The following L1TD1 variants were observed in gnomAD, a reference collection of about 807,000 sequenced individuals.
L1TD1 encodes LINE1 type transposase domain containing 1.
Under a neutral mutation model 25.7 loss-of-function variants are expected in L1TD1, and 26 were observed. That is an observed-to-expected ratio of 1.01 (90% confidence interval 0.74 to 1.40). The LOEUF is 1.40. Ranked by LOEUF, L1TD1 falls within the 40% of genes most tolerant of loss-of-function variation. The pLI, the probability that L1TD1 is intolerant of heterozygous loss-of-function variation, is 0.00. For synonymous variants in L1TD1, 421 were observed against 335.6 expected (o/e 1.25, Z -2.78); for missense variants, 1,130 against 975.0 (o/e 1.16, Z -2.12).
rs774567889 is a variant in L1TD1 at position 62,207,583 on chromosome 1, C to G, written c.955C>G (p.Gln319Glu). ...VKELLKDVLPQKEEINQGGRK... is the reference protein window; with the variant it reads ...VKELLKDVLPEKEEINQGGRK... Reference sequence around the variant, plus strand: ...AGAATTACTGAAAGATGTACTCCCACAAAAGGAAGAAATAAATCAAGGAGG... The same window carrying G: ...AGAATTACTGAAAGATGTACTCCCAGAAAAGGAAGAAATAAATCAAGGAGG... Residue 319 changes from glutamine (Q) to glutamate (E), a missense_variant, in exon 3 of 4, where the codon CAA (glutamine) becomes GAA (glutamate). Physicochemically the swap from Gln to Glu is conservative, Grantham distance 29. Transcript: ENST00000498273. 53 of 1,544,548 alleles carry G rather than the reference C, an allele frequency of 3.4e-5. No homozygotes were observed. Among genetic ancestry groups the G allele is most frequent in the Admixed American group, 4.1e-5 (2 of 48,834 alleles).
chr1:62,204,530 T>C (rs1349442539), intron 2 of L1TD1, among the ~76,000 whole-genome samples: 3 of 152,222 alleles, frequency 2.0e-5, no homozygotes, highest in South Asian at 2.1e-4. Context: ...ACTTTTATGC[T>C]ATCCTTTTTC....
Position 62,207,597 on chromosome 1 carries a change from A to G in L1TD1, c.969A>G (p.Ile323Met). ...LKDVLPQKEE[I>M]NQGGRKYGIQ... is the part of the protein sequence containing the mutation. ...ATGTACTCCCACAAAAGGAAGAAAT[A>G]AATCAAGGAGGAAGAAAATATGGAA... The change falls in exon 3 of 4, where the codon ATA becomes ATG. Residue 323 changes from isoleucine to methionine, a missense_variant. Physicochemically the swap from Ile to Met is conservative, Grantham distance 10 (BLOSUM62 1). Coordinates refer to ENST00000498273, the MANE Select transcript of L1TD1 (RefSeq NM_019079.5). 1 of 1,543,106 alleles carries G rather than the reference A, an allele frequency of 6.5e-7. No homozygotes were observed. Among genetic ancestry groups the G allele is most frequent in the Non-Finnish European group, 8.7e-7 (1 of 1,144,570 alleles).
At chr1:62,197,505 T>TA (rs1306476264) in intron 2 of L1TD1, among the ~76,000 whole-genome samples, 1 of 151,284 alleles carries the variant, frequency 6.6e-6, no homozygotes, top group African/African-American at 2.4e-5. Context: ...TTTTATTATC[T>TA]AAAAAAGTTT....
chr1:62,199,597 G>C (rs77141131), intron 2 of L1TD1, among the ~76,000 whole-genome samples: 5,771 of 152,162 alleles, frequency 0.038, 122 homozygotes, highest in East Asian at 0.075. Context: ...GCATGGTGGT[G>C]CGTGCTTGTA....
chr1:62,200,114 T>C (rs761158645), intron 2 of L1TD1, among the ~76,000 whole-genome samples: 2 of 152,174 alleles, frequency 1.3e-5, no homozygotes, highest in Non-Finnish European at 2.9e-5. Flanking sequence ...GTTGAACATA[T>C]TGTATGCACC....
chr1:62,207,623 T>A lies in L1TD1; in HGVS notation c.995T>A (p.Ile332Asn), dbSNP rs1039067635. ...EINQGGRKYG[I>N]QEKRDKTLID... is the part of the protein sequence containing the mutation. ...AATCAAGGAGGAAGAAAATATGGAA[T>A]TCAAGAAAAAAGGGTAAGCATACAA... Residue 332 changes from isoleucine (I) to asparagine (N), a missense_variant, in exon 3 of 4, where the codon ATT becomes AAT. Transcript: ENST00000498273. 23 of 1,526,886 alleles carry A rather than the reference T, an allele frequency of 1.5e-5. No individual in the cohort carries two copies. In the Admixed American group the frequency reaches 1.6e-4, roughly 11 times the overall value. The allele number at this position is 1,526,886 out of a possible 1,614,324, so 94.6% of individuals were successfully genotyped here.
intron 2 of L1TD1, among the ~76,000 whole-genome samples, chr1:62,200,771 CTA>C (rs1419087600): frequency 1.3e-5 from 2 of 152,048 alleles, no homozygotes; most frequent in African/African-American, 4.8e-5. Flanking sequence ...TGTTTAATAA[CTA>C]TTCCTACTTC....
intron 2 of L1TD1, among the ~76,000 whole-genome samples, chr1:62,197,399 ATATATATATATATATATATATATATATAT>A (rs1003531817): frequency 7.9e-5 from 1 of 12,734 alleles, no homozygotes; most frequent in African/African-American, 3.2e-4. Context: ...AAAATAAATT[ATATATATATATATATATATATATATATAT>A]ATATAGTTTA....
At chr1:62,199,359 A>G (rs1670600292) in intron 2 of L1TD1, among the ~76,000 whole-genome samples, 1 of 151,988 alleles carries the variant, frequency 6.6e-6, no homozygotes, top group Non-Finnish European at 1.5e-5. Flanking sequence ...TTAGCCGGGC[A>G]TGGTGGCGTG....
At chr1:62,203,709 G>A (rs1023714715) in intron 2 of L1TD1, among the ~76,000 whole-genome samples, 2 of 152,232 alleles carry the variant, frequency 1.3e-5, no homozygotes, top group African/African-American at 4.8e-5. Context: ...CTCCCAAGTA[G>A]CTGGGACTGC....
At chr1:62,196,056 T>C (rs184477965) in intron 1 of L1TD1, among the ~76,000 whole-genome samples, 2 of 151,708 alleles carry the variant, frequency 1.3e-5, no homozygotes, top group African/African-American at 4.8e-5. Context: ...AAAAAGTGTT[T>C]AATTATGTGA....
At chr1:62,201,421 A>T (rs1206991615) in intron 2 of L1TD1, among the ~76,000 whole-genome samples, 3 of 151,760 alleles carry the variant, frequency 2.0e-5, no homozygotes, top group South Asian at 2.1e-4. Flanking sequence ...TTTAAAAAAA[A>T]ATATTAGAAG....
At chr1:62,196,352 T>C (rs188387420) in intron 1 of L1TD1, 83 bp from the exon 2 acceptor site, 1 of 152,290 alleles carries the variant, frequency 6.6e-6, no homozygotes, top group East Asian at 1.9e-4. Flanking sequence ...AAGTGCTTTT[T>C]TTTCCCAGTC....
At position 62,207,718 on chromosome 1, in the gene L1TD1, T is replaced by A. The variant is rs1232157525; in HGVS notation, c.1008+82T>A. 4.3e-6 allele frequency: 6 copies of A among 1,401,822 alleles called. No homozygotes were observed. In the African/African-American group the frequency reaches 5.9e-5, roughly 14 times the overall value. 86.8% of individuals were successfully genotyped at this position (1,401,822 alleles called of 1,614,324 possible). ...TGGTTATTTTGAAGGATAAATCAAT[T>A]TTTTTTTTCTTGAGATGGAGTTTCG... On this transcript the variant is annotated intron_variant, in intron 3 of 3. Coordinates refer to ENST00000498273, the MANE Select transcript of L1TD1 (RefSeq NM_019079.5).
intron 2 of L1TD1, among the ~76,000 whole-genome samples, chr1:62,198,908 G>T (rs935854573): frequency 2.6e-5 from 4 of 151,668 alleles, no homozygotes; most frequent in African/African-American, 7.3e-5. Flanking sequence ...TGCAATCATA[G>T]CTTAGAGTAA....
Position 62,210,137 on chromosome 1 carries a change from A to G in L1TD1, c.1363A>G (p.Lys455Glu). ...TCAGGGTCATACTTTGGTAGATGCA[A>G]AGCATGAAGTTGAGATAACCAGTGA... is the stretch of plus-strand genomic sequence containing the variant. ...TFQGHTLVDA[K>E]HEVEITSDGM... is the part of the protein sequence containing the mutation. Residue 455 changes from lysine (K) to glutamate (E), a missense_variant, in exon 4 of 4, where the codon AAG becomes GAG. Lys to Glu is a moderately conservative substitution (Grantham distance 56). Coordinates refer to ENST00000498273, the MANE Select transcript of L1TD1 (RefSeq NM_019079.5). 1 of 1,614,082 alleles carries G rather than the reference A, an allele frequency of 6.2e-7. No individual in the cohort carries two copies. Among genetic ancestry groups the G allele is most frequent in the Non-Finnish European group, 8.5e-7 (1 of 1,180,014 alleles).
In L1TD1 at chr1:62,211,450, ACTT is replaced by A. The variant is rs1670869793; in HGVS notation, c.*81_*83del. The A allele has an allele frequency of 6.6e-7, 1 of 1,513,372 alleles. No homozygotes were observed. Among genetic ancestry groups the A allele is most frequent in the Admixed American group, 2.3e-5 (1 of 43,926 alleles). The allele number at this position is 1,513,372 out of a possible 1,614,324, so 93.7% of individuals were successfully genotyped here. A position where few individuals can be genotyped will look rare whatever the true frequency, so the allele number is the denominator to read the frequency against. On this transcript the variant is annotated 3_prime_UTR_variant, in exon 4 of 4. Transcript: ENST00000498273. Reference sequence around the variant, plus strand: ...AAATCAACAAGTAAAACGAAAATACACTTCTACCCAGAAGGATGGACAGCTAAT... The same window carrying A: ...AAATCAACAAGTAAAACGAAAATACACTACCCAGAAGGATGGACAGCTAAT...
Position 62,211,269 on chromosome 1 carries a change from A to C in L1TD1, c.2495A>C (p.Asp832Ala). 6.2e-7 allele frequency: 1 copy of C among 1,608,990 alleles called. No individual in the cohort carries two copies. The highest frequency in any genetic ancestry group is 8.5e-7 in the Non-Finnish European group (1 of 1,177,144). ...CTATATCCAGCCAAAATGGCATTTGATTTTAGGGGTAAAACAAAGGTATTT... is the reference window on the plus strand; with the variant it reads ...CTATATCCAGCCAAAATGGCATTTGCTTTTAGGGGTAAAACAAAGGTATTT... ...RILYPAKMAF[D>A]FRGKTKVFLS... The change falls in exon 4 of 4, where the codon GAT (aspartate) becomes GCT (alanine). Residue 832 changes from aspartate (D) to alanine (A), a missense_variant. By Grantham distance (126) the Asp-to-Ala change is moderately radical (BLOSUM62 -2). Transcript: ENST00000498273.
Position 62,211,470 on chromosome 1 carries a change from A to G in L1TD1, c.*98A>G. On this transcript the variant is annotated 3_prime_UTR_variant, in exon 4 of 4. Coordinates refer to ENST00000498273, the MANE Select transcript of L1TD1 (RefSeq NM_019079.5). ...AATACACTTCTACCCAGAAGGATGG[A>G]CAGCTAATAGCGTACTTGGGGATGA... The G allele has an allele frequency of 4.0e-6, 6 of 1,501,802 alleles. No individual in the cohort carries two copies. The highest frequency in any genetic ancestry group is 5.3e-6 in the Non-Finnish European group (6 of 1,132,712). The allele number at this position is 1,501,802 out of a possible 1,614,324, so 93.0% of individuals were successfully genotyped here. A position where few individuals can be genotyped will look rare whatever the true frequency, so the allele number is the denominator to read the frequency against.
Sources: gnomAD v4.1 joint callset for allele counts (sites outside exome capture counted in the v4.1 genomes callset) on GRCh38, gnomAD v4.1.1 for gene constraint, MANE v1.5 for transcripts, NCBI Gene and HGNC (gene_info 2026-07-23, HGNC 2026-07-21) for gene names.